NR6A1: variants seen among roughly 807,000 people sequenced by gnomAD.
The protein encoded by NR6A1 is nuclear receptor subfamily 6 group A member 1, also known as retinoic acid receptor-related testis-associated receptor.
NR6A1 carries 7 observed loss-of-function variants against 59.1 expected under a neutral mutation model. That is an observed-to-expected ratio of 0.12 (90% confidence interval 0.07 to 0.22). The LOEUF (loss-of-function observed/expected upper bound fraction) is 0.22. NR6A1 is among the 10% of genes least tolerant of loss of function. The probability of loss-of-function intolerance (pLI) is 1.00; values close to 1 mark genes in which losing one functional copy is unlikely to be tolerated. For missense variants in NR6A1, 468 were observed against 611.6 expected, an observed-to-expected ratio of 0.77 and a Z score of 2.48; for synonymous variants, 243 against 236.1, an observed-to-expected ratio of 1.03 and a Z score of -0.27.
intron 2 of NR6A1, among the ~76,000 whole-genome samples, chr9:124,655,957 C>T (rs1362932061): frequency 6.6e-6 from 1 of 152,110 alleles, no homozygotes; most frequent in Non-Finnish European, 1.5e-5. Flanking sequence ...TTTGTTTGCT[C>T]CCCCCTCATT....
rs1448854345 is a variant in NR6A1, at chr9:124,734,160, CTT to C, written c.101-813_101-812del. ...AAAGTTTTCTCTTGCCTCTTTCACC[CTT>C]GTCTCACACACAAGGTCAAATTCCT... On this transcript the variant is annotated intron_variant, in intron 1 of 9. Transcript: ENST00000487099. Among the ~76,000 whole-genome samples the C allele has an allele frequency of 2.0e-5, 3 of 152,204 alleles. No individual in the cohort carries two copies. In the East Asian group the frequency reaches 5.8e-4, roughly 29 times the overall value.
At chr9:124,528,753 C>G (rs1833014526) in intron 7 of NR6A1, among the ~76,000 whole-genome samples, 1 of 151,172 alleles carries the variant, frequency 6.6e-6, no homozygotes, top group Non-Finnish European at 1.5e-5. Context: ...ACCAACCAAC[C>G]AAAAAACCTA....
At chr9:124,716,752 C>T (rs1422191253) in intron 2 of NR6A1, among the ~76,000 whole-genome samples, 2 of 152,176 alleles carry the variant, frequency 1.3e-5, no homozygotes, top group Non-Finnish European at 2.9e-5. Context: ...GTGCCACAGC[C>T]TCCTGAGTAG....
At chr9:124,572,191 G>A (rs1199144028) in intron 2 of NR6A1, among the ~76,000 whole-genome samples, 1 of 152,078 alleles carries the variant, frequency 6.6e-6, no homozygotes, top group African/African-American at 2.4e-5. Flanking sequence ...AATTTAGGCA[G>A]GTGCCAAAAC....
intron 1 of NR6A1, among the ~76,000 whole-genome samples, chr9:124,746,116 T>G (rs1245322174): frequency 3.9e-5 from 6 of 152,130 alleles, no homozygotes; most frequent in Non-Finnish European, 5.9e-5. Flanking sequence ...TACTATCTTA[T>G]TAGAAACACA....
intron 2 of NR6A1, among the ~76,000 whole-genome samples, chr9:124,686,774 G>A (rs368579309): frequency 1.3e-5 from 2 of 151,746 alleles, no homozygotes; most frequent in East Asian, 3.9e-4. Context: ...CACAAACACG[G>A]CTGACTGCAG....
chr9:124,647,409 T>A (rs994296870), intron 2 of NR6A1, among the ~76,000 whole-genome samples: 1 of 151,968 alleles, frequency 6.6e-6, no homozygotes, highest in Non-Finnish European at 1.5e-5. Context: ...GAAATGGACA[T>A]ACACAACCTA....
chr9:124,730,555 CTTTT>C (rs56330244), intron 2 of NR6A1, among the ~76,000 whole-genome samples: 1 of 123,118 alleles, frequency 8.1e-6, no homozygotes. Flanking sequence ...ATTTTTTAGT[CTTTT>C]TTTTTTTTTT....
At chr9:124,671,398 T>C (rs1173598717) in intron 2 of NR6A1, among the ~76,000 whole-genome samples, 1 of 152,198 alleles carries the variant, frequency 6.6e-6, no homozygotes, top group African/African-American at 2.4e-5. Context: ...GGTATCTGAT[T>C]TGCAAGGCAC....
intron 2 of NR6A1, chr9:124,607,456 T>C (rs1308326335): frequency 6.6e-6 from 1 of 152,176 alleles, no homozygotes; most frequent in African/African-American, 2.4e-5. Flanking sequence ...AGACCCCATC[T>C]CTTTAAAATT....
chr9:124,586,248 T>C (rs920438040), intron 2 of NR6A1, among the ~76,000 whole-genome samples: 1 of 152,318 alleles, frequency 6.6e-6, no homozygotes, highest in African/African-American at 2.4e-5. Flanking sequence ...CTAGATGCCA[T>C]TAAGGACATT....
chr9:124,679,508 A>G (rs1420116776), intron 2 of NR6A1, among the ~76,000 whole-genome samples: 1 of 152,166 alleles, frequency 6.6e-6, no homozygotes, highest in Non-Finnish European at 1.5e-5. Context: ...GGAGCCAAAG[A>G]GGGTACTATT....
intron 7 of NR6A1, among the ~76,000 whole-genome samples, chr9:124,529,034 C>A (rs934865009): frequency 6.6e-6 from 1 of 152,174 alleles, no homozygotes; most frequent in Non-Finnish European, 1.5e-5. Flanking sequence ...CGTTGACCTT[C>A]GGCCTTGGCA....
intron 2 of NR6A1, among the ~76,000 whole-genome samples, chr9:124,692,260 A>G (rs542668967): frequency 6.6e-6 from 1 of 151,602 alleles, no homozygotes; most frequent in Non-Finnish European, 1.5e-5. Context: ...TCAGACATTC[A>G]TTTGAGTCTG....
chr9:124,618,639 C>G (rs568639792), intron 2 of NR6A1, among the ~76,000 whole-genome samples: 4 of 152,146 alleles, frequency 2.6e-5, no homozygotes, highest in African/African-American at 9.7e-5. Flanking sequence ...CTAAATTAAT[C>G]TGAACTAAAG....
intron 2 of NR6A1, among the ~76,000 whole-genome samples, chr9:124,575,704 G>A (rs1051381658): frequency 5.9e-5 from 9 of 152,100 alleles, no homozygotes; most frequent in African/African-American, 2.2e-4. Context: ...ATAAACTGGG[G>A]ATAACAATAG....
intron 2 of NR6A1, among the ~76,000 whole-genome samples, chr9:124,625,073 A>G (rs1256270455): frequency 6.6e-6 from 1 of 152,166 alleles, no homozygotes; most frequent in Non-Finnish European, 1.5e-5. Flanking sequence ...AGGCACTCAT[A>G]ACTATTTCCA....
At chr9:124,538,726 A>G (rs768611884) in intron 5 of NR6A1, among the ~76,000 whole-genome samples, 81 of 152,308 alleles carry the variant, frequency 5.3e-4, no homozygotes, top group Non-Finnish European at 6.9e-4. Context: ...AGGCCACAAA[A>G]CAAATCCAGC....
At chr9:124,635,820 A>G (rs1836594724) in intron 2 of NR6A1, among the ~76,000 whole-genome samples, 1 of 152,254 alleles carries the variant, frequency 6.6e-6, no homozygotes, top group Non-Finnish European at 1.5e-5. Context: ...TAAAGCTGCT[A>G]TAATCATCCA....
Sources: allele counts gnomAD v4.1 joint callset (sites outside exome capture counted in the v4.1 genomes callset), GRCh38; gene constraint gnomAD v4.1.1; transcripts MANE v1.5; gene names NCBI Gene and HGNC (gene_info 2026-07-23, HGNC 2026-07-21).